Variants in THADA observed in about 807,000 individuals in gnomAD.
THADA encodes THADA armadillo repeat containing.
THADA carries 213 observed loss-of-function variants against 219.8 expected under a neutral mutation model. The ratio of observed to expected loss-of-function variants is 0.97; its 90% CI spans 0.87 to 1.09. The LOEUF is 1.09. Ranked by LOEUF, THADA falls within the 50% of genes least tolerant of loss-of-function variation. THADA has a pLI of 0.00. For synonymous variants in THADA, 1,018 were observed against 828.9 expected (o/e 1.23, Z -3.92); for missense variants, 2,956 against 2,311.3 (o/e 1.28, Z -5.72).
Position 43,577,017 on chromosome 2 carries a change from C to G in THADA, c.1037+5G>C. On this transcript the variant is annotated splice_donor_5th_base_variant and intron_variant, in intron 10 of 37. Transcript: ENST00000405975. Reference sequence around the variant, plus strand: ...AAAATATGAGACGATAGCATCAAAACTCACTGTGAACTCAAGGTGAACAAA... The same window carrying G: ...AAAATATGAGACGATAGCATCAAAAGTCACTGTGAACTCAAGGTGAACAAA... The G allele has an allele frequency of 3.1e-6, 5 of 1,610,298 alleles. No individual in the cohort carries two copies. The highest frequency in any genetic ancestry group is 4.2e-6 in the Non-Finnish European group (5 of 1,178,020).
chr2:43,568,104 G>C (rs1698893472), intron 14 of THADA, among the ~76,000 whole-genome samples: 1 of 152,144 alleles, frequency 6.6e-6, no homozygotes, highest in African/African-American at 2.4e-5. Flanking sequence ...CCACTTACTA[G>C]CTGAGGAACC....
chr2:43,491,817 G>C (rs1200256974), intron 25 of THADA, among the ~76,000 whole-genome samples: 1 of 152,026 alleles, frequency 6.6e-6, no homozygotes, highest in Non-Finnish European at 1.5e-5. Flanking sequence ...TTTAATCCCA[G>C]CTAAAATCTA....
chr2:43,471,334 T>C (rs559519975), intron 26 of THADA, among the ~76,000 whole-genome samples: 3 of 152,218 alleles, frequency 2.0e-5, no homozygotes, highest in South Asian at 4.2e-4. Context: ...GAGACCAGCC[T>C]GGGCAATGTA....
At chr2:43,587,052 A>AT in intron 4 of THADA, 50 bp from the exon 5 acceptor site, 2 of 1,548,434 alleles carry the variant, frequency 1.3e-6, no homozygotes, top group Non-Finnish European at 1.8e-6. Flanking sequence ...TAGCCCCAGA[A>AT]TATGTGGAGA....
intron 28 of THADA, among the ~76,000 whole-genome samples, chr2:43,416,051 T>C (rs1676930902): frequency 1.3e-5 from 2 of 152,220 alleles, no homozygotes; most frequent in South Asian, 4.1e-4. Flanking sequence ...TTTCTTAAGT[T>C]TCTCTTCAGT....
chr2:43,467,222 G>C (rs115999411), intron 26 of THADA, among the ~76,000 whole-genome samples: 2,398 of 148,702 alleles, frequency 0.016, 56 homozygotes, highest in South Asian at 0.12. Flanking sequence ...CGGGGATGCT[G>C]CTTGGCAGAA....
Position 43,451,787 on chromosome 2 carries a change from T to C in THADA, c.3837-21485A>G, listed in dbSNP as rs895731761. The stretch of plus-strand genomic sequence containing the variant: ...AACATGCCAACAGTTCAAACAGTAC[T>C]ACATTTGTCTCATCTACTATACTAT... On this transcript the variant is annotated intron_variant, in intron 26 of 37. Transcript: ENST00000405975. 3.3e-5 allele frequency among the ~76,000 whole-genome samples: 5 copies of C among 152,206 alleles called. No homozygotes were observed. In the East Asian group the frequency reaches 9.6e-4, roughly 29 times the overall value.
intron 28 of THADA, among the ~76,000 whole-genome samples, chr2:43,417,865 C>A (rs899278441): frequency 1.3e-5 from 2 of 152,188 alleles, no homozygotes; most frequent in Admixed American, 1.3e-4. Context: ...AACATTCCCC[C>A]CCTCTGTGGA....
intron 31 of THADA, among the ~76,000 whole-genome samples, chr2:43,319,062 A>C (rs1678399957): frequency 6.6e-6 from 1 of 152,236 alleles, no homozygotes; most frequent in Non-Finnish European, 1.5e-5. Context: ...CTTTAGATAC[A>C]TAGGCAGGGA....
intron 28 of THADA, among the ~76,000 whole-genome samples, chr2:43,408,148 C>A (rs771527900): frequency 6.6e-6 from 1 of 152,166 alleles, no homozygotes; most frequent in East Asian, 1.9e-4. Flanking sequence ...GCAAGTCATC[C>A]ACCAAGTTGC....
intron 28 of THADA, among the ~76,000 whole-genome samples, chr2:43,415,451 G>T (rs1462518228): frequency 2.6e-5 from 4 of 152,186 alleles, no homozygotes; most frequent in African/African-American, 9.7e-5. Context: ...GTATTCATTA[G>T]TAGTAGTAGA....
At chr2:43,592,469 C>T (rs1406775384) in intron 1 of THADA, 53 bp from the exon 2 acceptor site, 3 of 1,105,270 alleles carry the variant, frequency 2.7e-6, no homozygotes, top group Non-Finnish European at 4.0e-6. Context: ...AACCTCAGCA[C>T]TATGATTTTT....
chr2:43,427,148 T>A (rs1278362248), intron 28 of THADA, among the ~76,000 whole-genome samples: 1 of 152,162 alleles, frequency 6.6e-6, no homozygotes, highest in Non-Finnish European at 1.5e-5. Flanking sequence ...CCACATGGCA[T>A]TACCATTTAC....
chr2:43,565,095 A>G (rs899399593), intron 15 of THADA: 1 of 152,200 alleles, frequency 6.6e-6, no homozygotes, highest in Admixed American at 6.5e-5. Flanking sequence ...TGTTATGGTT[A>G]TAGAATTAAT....
At chr2:43,547,677 A>C (rs548368443) in intron 20 of THADA, among the ~76,000 whole-genome samples, 2 of 152,208 alleles carry the variant, frequency 1.3e-5, no homozygotes, top group African/African-American at 4.8e-5. Context: ...AGGCTTCTGC[A>C]TTCTTCACGT....
At chr2:43,258,494 C>T (rs545405506) in intron 36 of THADA, among the ~76,000 whole-genome samples, 13 of 152,022 alleles carry the variant, frequency 8.6e-5, no homozygotes, top group Admixed American at 7.9e-4. Context: ...TGCACTCCAG[C>T]CCAGGCAACA....
chr2:43,498,813 T>C lies in THADA; in HGVS notation c.3744+20A>G. The C allele has an allele frequency of 6.2e-7, 1 of 1,606,354 alleles. No homozygotes were observed. The highest frequency in any genetic ancestry group is 8.5e-7 in the Non-Finnish European group (1 of 1,177,700). ...AGAAGCATAATTAAATCAATGAAAA[T>C]AAATAGTGACAGCACTTACTGCCCA... is the stretch of plus-strand genomic sequence containing the variant. On this transcript the variant is annotated intron_variant, in intron 25 of 37. Coordinates refer to ENST00000405975, the MANE Select transcript of THADA (RefSeq NM_022065.5).
intron 36 of THADA, among the ~76,000 whole-genome samples, chr2:43,276,489 C>A (rs982688214): frequency 6.6e-6 from 1 of 152,142 alleles, no homozygotes; most frequent in African/African-American, 2.4e-5. Context: ...AGACCTAAAG[C>A]CAATTATGCA....
intron 22 of THADA, among the ~76,000 whole-genome samples, chr2:43,525,280 G>T (rs1245670289): frequency 6.6e-6 from 1 of 152,140 alleles, no homozygotes; most frequent in East Asian, 1.9e-4. Context: ...GGCAGATGGC[G>T]TTTTTCAAAG....
Sources: allele counts gnomAD v4.1 joint callset (sites outside exome capture counted in the v4.1 genomes callset), GRCh38; gene constraint gnomAD v4.1.1; transcripts MANE v1.5; gene names NCBI Gene and HGNC (gene_info 2026-07-23, HGNC 2026-07-21).